Variants in GADL1 observed in about 807,000 individuals in gnomAD.
The protein encoded by GADL1 is GAD like acidic amino acid decarboxylase 1, also known as acidic amino acid decarboxylase GADL1.
Under a neutral mutation model 69.5 loss-of-function variants are expected in GADL1, and 71 were observed. The ratio of observed to expected loss-of-function variants is 1.02; its 90% CI spans 0.84 to 1.25. The LOEUF (loss-of-function observed/expected upper bound fraction) is 1.25, where lower values mean the gene tolerates loss of function less well. GADL1 is among the 50% of genes most tolerant of loss of function. The pLI is 0.00. For synonymous variants in GADL1, 254 were observed against 214.4 expected (o/e 1.18, Z -1.62); for missense variants, 737 against 631.8 (o/e 1.17, Z -1.79).
intron 11 of GADL1, among the ~76,000 whole-genome samples, chr3:30,805,103 A>G (rs1208226678): frequency 4.6e-5 from 7 of 152,234 alleles, no homozygotes; most frequent in African/African-American, 1.4e-4. Flanking sequence ...CAGAGCTAAC[A>G]TTTATTGAGC....
At chr3:30,804,766 A>C (rs866577028) in intron 11 of GADL1, among the ~76,000 whole-genome samples, 2 of 152,234 alleles carry the variant, frequency 1.3e-5, no homozygotes, top group Non-Finnish European at 2.9e-5. Flanking sequence ...TCATTGCAGT[A>C]GTTCCTGAAC....
chr3:30,833,339 T>A (rs1008547017), intron 11 of GADL1, among the ~76,000 whole-genome samples: 2 of 152,076 alleles, frequency 1.3e-5, no homozygotes, highest in Non-Finnish European at 2.9e-5. Context: ...AGAAGCTAAG[T>A]ACCAACCACT....
rs937760490 is a variant in GADL1 at position 30,726,978 on chromosome 3, T to C, written c.*1264A>G. On this transcript the variant is annotated 3_prime_UTR_variant, in exon 15 of 15. Transcript: ENST00000282538. ...ACATTTCAAAGCTTAGGAAAGGGAA[T>C]GTTGTACAACCCTGGACTTCATTGT... The C allele has an allele frequency of 6.6e-6, 1 of 152,402 alleles. No individual in the cohort carries two copies. Among genetic ancestry groups the C allele is most frequent in the Non-Finnish European group, 1.5e-5 (1 of 68,000 alleles). The allele number at this position is 152,402 out of a possible 1,614,324, so 9.4% of individuals were successfully genotyped here.
chr3:30,741,788 T>C (rs1336661396), intron 14 of GADL1, among the ~76,000 whole-genome samples: 1 of 152,196 alleles, frequency 6.6e-6, no homozygotes, highest in Non-Finnish European at 1.5e-5. Context: ...CAATTTTGTT[T>C]GACACTTCTC....
At chr3:30,801,274 C>T (rs1464029897) in intron 11 of GADL1, among the ~76,000 whole-genome samples, 186 bp from the exon 12 acceptor site, 4 of 152,050 alleles carry the variant, frequency 2.6e-5, no homozygotes, top group African/African-American at 7.2e-5. Context: ...CATGGTGTTA[C>T]CAAACAAAAC....
intron 14 of GADL1, among the ~76,000 whole-genome samples, chr3:30,753,500 G>GGA (rs1367205207): frequency 1.6e-5 from 2 of 122,370 alleles, no homozygotes; most frequent in Non-Finnish European, 3.5e-5. Flanking sequence ...ATTTAAGGAA[G>GGA]GATAGTTTCT....
At chr3:30,858,805 C>A (rs1698270618) in intron 2 of GADL1, among the ~76,000 whole-genome samples, 1 of 151,926 alleles carries the variant, frequency 6.6e-6, no homozygotes, top group Non-Finnish European at 1.5e-5. Flanking sequence ...TCAGAGAGAA[C>A]CTACAGCAGG....
At chr3:30,877,739 G>A (rs145400162) in intron 1 of GADL1, among the ~76,000 whole-genome samples, 7 of 152,018 alleles carry the variant, frequency 4.6e-5, no homozygotes, top group African/African-American at 1.7e-4. Flanking sequence ...ATCAGCAAAG[G>A]AAGGACTTTG....
At chr3:30,759,336 T>C (rs769762815) in intron 14 of GADL1, among the ~76,000 whole-genome samples, 3 of 152,244 alleles carry the variant, frequency 2.0e-5, no homozygotes, top group Non-Finnish European at 4.4e-5. Context: ...AAACAATAGC[T>C]AAGAGGAGCT....
intron 9 of GADL1, among the ~76,000 whole-genome samples, chr3:30,836,350 A>T (rs1476705939): frequency 6.6e-6 from 1 of 151,834 alleles, no homozygotes; most frequent in Non-Finnish European, 1.5e-5. Context: ...CCACTTCACA[A>T]AGTACTTTGG....
At chr3:30,745,143 T>A (rs954487806) in intron 14 of GADL1, among the ~76,000 whole-genome samples, 1 of 152,216 alleles carries the variant, frequency 6.6e-6, no homozygotes, top group Non-Finnish European at 1.5e-5. Flanking sequence ...GAGCAAGTGC[T>A]TAATGAATTC....
At chr3:30,752,682 G>A (rs562705631) in intron 14 of GADL1, among the ~76,000 whole-genome samples, 19 of 152,286 alleles carry the variant, frequency 1.2e-4, no homozygotes, top group Non-Finnish European at 2.2e-4. Flanking sequence ...GACAGTAGCA[G>A]AAGGGAGAAA....
chr3:30,861,641 C>T lies in GADL1; in HGVS notation c.162G>A (p.Arg54=), dbSNP rs2125536916. 2.6e-6 allele frequency: 4 copies of T among 1,550,222 alleles called. No individual in the cohort carries two copies. The South Asian group carries it at 3.6e-5, about 14-fold the overall frequency. The change falls in exon 2 of 15, where the codon AGG becomes AGA. Residue 54 remains arginine (R), a synonymous_variant. Transcript: ENST00000282538. ...TCAAAACCACCTCTTCCATTATTAG[C>T]CTACAGGCCTCTTCAACAAATTTTT... is the stretch of plus-strand genomic sequence containing the variant. The part of the protein sequence containing the change: ...AGEKFVEEAC[R]LIMEEVVLKA...
At chr3:30,810,311 CTG>C (rs1697326019) in intron 11 of GADL1, among the ~76,000 whole-genome samples, 1 of 152,096 alleles carries the variant, frequency 6.6e-6, no homozygotes, top group Non-Finnish European at 1.5e-5. Flanking sequence ...TCACAGCTAT[CTG>C]TGAAAATGTG....
intron 14 of GADL1, among the ~76,000 whole-genome samples, chr3:30,739,706 C>T (rs753928773): frequency 2.0e-5 from 3 of 152,086 alleles, no homozygotes; most frequent in Non-Finnish European, 4.4e-5. Context: ...GTGTTATGTA[C>T]CTTACTTTAC....
At chr3:30,797,922 A>G (rs968354027) in intron 12 of GADL1, 1 of 152,184 alleles carries the variant, frequency 6.6e-6, no homozygotes, top group Non-Finnish European at 1.5e-5. Flanking sequence ...TTAAAACTAA[A>G]TTTGGCTATG....
intron 1 of GADL1, among the ~76,000 whole-genome samples, chr3:30,884,939 T>C (rs1306443079): frequency 1.3e-5 from 2 of 152,076 alleles, no homozygotes; most frequent in Non-Finnish European, 2.9e-5. Flanking sequence ...AGTGAACTGA[T>C]GGCTCATTGC....
chr3:30,858,248 C>T (rs535416368), intron 2 of GADL1, among the ~76,000 whole-genome samples: 1 of 151,960 alleles, frequency 6.6e-6, no homozygotes. Context: ...CAGAGATAAG[C>T]AAGGCTCAGA....
At chr3:30,825,903 A>G (rs542432014) in intron 11 of GADL1, among the ~76,000 whole-genome samples, 1 of 152,090 alleles carries the variant, frequency 6.6e-6, no homozygotes, top group South Asian at 2.1e-4. Context: ...ACAAATCTGC[A>G]TGCTTAGCAC....
Sources: gnomAD v4.1 joint callset for allele counts (sites outside exome capture counted in the v4.1 genomes callset) on GRCh38, gnomAD v4.1.1 for gene constraint, MANE v1.5 for transcripts, NCBI Gene and HGNC (gene_info 2026-07-23, HGNC 2026-07-21) for gene names.